The following SFI1 variants were observed in gnomAD, a reference collection of about 807,000 sequenced individuals.
SFI1 encodes protein SFI1 homolog.
SFI1 carries 195 observed loss-of-function variants against 207.5 expected under a neutral mutation model. The ratio of observed to expected loss-of-function variants is 0.94; its 90% CI spans 0.84 to 1.06. SFI1 has a LOEUF of 1.06. SFI1 is among the 50% of genes least tolerant of loss of function. SFI1 has a pLI of 0.00. For missense variants in SFI1, 1,634 were observed against 1,588.0 expected, an observed-to-expected ratio of 1.03 and a Z score of -0.49; for synonymous variants, 630 against 598.9, an observed-to-expected ratio of 1.05 and a Z score of -0.76.
chr22:31,576,113 C>T lies in SFI1; in HGVS notation c.1084+721C>T, dbSNP rs143216998. ...AATCTCGGCTCACTGCAATCTCCGC[C>T]TCCCAGGTTCAAGCGATTCTCCTGC... On this transcript the variant is annotated intron_variant, in intron 10 of 32. Coordinates refer to ENST00000400288, the MANE Select transcript of SFI1 (RefSeq NM_001007467.3). Among the ~76,000 whole-genome samples, 190 of 152,064 alleles carry T rather than the reference C, an allele frequency of 1.2e-3. 3 individuals carry two copies. The East Asian group carries it at 0.033, about 27-fold the overall frequency.
intron 15 of SFI1, among the ~76,000 whole-genome samples, chr22:31,596,390 A>G (rs1018488): frequency 0.056 from 8,529 of 152,236 alleles, 225 homozygotes; most frequent in Non-Finnish European, 0.065. Context: ...TGGCCACGGG[A>G]AATAGAGGCT....
chr22:31,546,628 C>CTT (rs1023474233), intron 4 of SFI1, among the ~76,000 whole-genome samples: 10 of 120,220 alleles, frequency 8.3e-5, no homozygotes, highest in African/African-American at 1.2e-4. Flanking sequence ...CCGATGTTTA[C>CTT]TTTTTTTTTT....
chr22:31,568,946 G>C (rs1450461485), intron 8 of SFI1, among the ~76,000 whole-genome samples: 1 of 152,106 alleles, frequency 6.6e-6, no homozygotes, highest in Non-Finnish European at 1.5e-5. Context: ...CAAAGAAAGT[G>C]GAACTCATCG....
intron 21 of SFI1, chr22:31,606,693 C>CTTTTTTTTTTT (rs10524692): frequency 3.5e-5 from 4 of 115,512 alleles, no homozygotes; most frequent in South Asian, 1.5e-4. Flanking sequence ...TTCTTTTTTT[C>CTTTTTTTTTTT]TTTTTTTTTT....
chr22:31,496,368 A>G (rs922785328), upstream of SFI1: 10 of 152,438 alleles, frequency 6.6e-5, no homozygotes, highest in African/African-American at 2.4e-4. Flanking sequence ...GCCCCTCGAA[A>G]CCGATTCTCA....
intron 8 of SFI1, among the ~76,000 whole-genome samples, chr22:31,567,997 C>T (rs998541922): frequency 1.3e-5 from 2 of 151,964 alleles, no homozygotes; most frequent in African/African-American, 4.8e-5. Context: ...GAAATTGTTA[C>T]ATTGAAAGTA....
intron 5 of SFI1, among the ~76,000 whole-genome samples, chr22:31,548,712 G>A (rs1456217746): frequency 6.6e-6 from 1 of 151,900 alleles, no homozygotes; most frequent in African/African-American, 2.4e-5. Flanking sequence ...GGGAGGCTGA[G>A]GCAGAAGAAT....
At chr22:31,547,310 G>GTTTGT (rs1202956072) in intron 5 of SFI1, among the ~76,000 whole-genome samples, 5 of 151,940 alleles carry the variant, frequency 3.3e-5, no homozygotes, top group Admixed American at 3.3e-4. Context: ...TTGTTTGTTT[G>GTTTGT]TTTGTTTTGT....
intron 4 of SFI1, among the ~76,000 whole-genome samples, chr22:31,542,386 G>A (rs2059634699): frequency 6.6e-6 from 1 of 151,868 alleles, no homozygotes. Flanking sequence ...CCAGCACTTT[G>A]GGAGGCCACG....
chr22:31,544,114 A>T (rs2059857006), intron 4 of SFI1, among the ~76,000 whole-genome samples: 1 of 152,126 alleles, frequency 6.6e-6, no homozygotes, highest in Non-Finnish European at 1.5e-5. Context: ...ACTTGAATGC[A>T]TGAGGTGGAG....
intron 1 of SFI1, among the ~76,000 whole-genome samples, chr22:31,497,537 C>G (rs1389336673): frequency 6.6e-6 from 1 of 152,124 alleles, no homozygotes; most frequent in Non-Finnish European, 1.5e-5. Context: ...TCTCCTCCCT[C>G]TCGGTCCTCC....
At chr22:31,548,076 TAGGCGTGGTGGC>T (rs1379536001) in intron 5 of SFI1, among the ~76,000 whole-genome samples, 2 of 151,214 alleles carry the variant, frequency 1.3e-5, no homozygotes, top group African/African-American at 2.4e-5. Flanking sequence ...CAAAATTGGC[TAGGCGTGGTGGC>T]AGGCGCCTGT....
intron 15 of SFI1, among the ~76,000 whole-genome samples, chr22:31,601,424 A>G (rs1201345022): frequency 6.6e-6 from 1 of 152,014 alleles, no homozygotes; most frequent in Non-Finnish European, 1.5e-5. Context: ...TGCCCGGCCA[A>G]CCTTTCTACT....
At chr22:31,510,857 A>G (rs1189478297) in intron 2 of SFI1, among the ~76,000 whole-genome samples, 1 of 152,132 alleles carries the variant, frequency 6.6e-6, no homozygotes, top group Non-Finnish European at 1.5e-5. Context: ...TTAATTTATG[A>G]AGGGTCAGTG....
intron 7 of SFI1, 65 bp from the exon 8 acceptor site, chr22:31,561,225 C>A: frequency 7.0e-7 from 1 of 1,431,152 alleles, no homozygotes; most frequent in South Asian, 1.2e-5. Context: ...CCCACACTAA[C>A]TGCTCCTCTC....
intron 8 of SFI1, among the ~76,000 whole-genome samples, chr22:31,571,912 T>C (rs562179207): frequency 6.6e-6 from 1 of 152,020 alleles, no homozygotes; most frequent in Admixed American, 6.6e-5. Flanking sequence ...TTTTTTTTTT[T>C]AGGATAGGAA....
intron 4 of SFI1, among the ~76,000 whole-genome samples, chr22:31,543,134 C>A (rs537532733): frequency 5.0e-4 from 76 of 151,688 alleles, no homozygotes; most frequent in Non-Finnish European, 8.5e-4. Context: ...CCACACCTGG[C>A]TAATTTTTTG....
intron 2 of SFI1, among the ~76,000 whole-genome samples, chr22:31,522,264 C>T (rs913898724): frequency 1.3e-5 from 2 of 151,766 alleles, no homozygotes; most frequent in Non-Finnish European, 2.9e-5. Flanking sequence ...GACAGTGTTT[C>T]ACCATGTTGG....
chr22:31,509,681 A>G (rs528012014), intron 2 of SFI1, among the ~76,000 whole-genome samples: 2 of 152,310 alleles, frequency 1.3e-5, no homozygotes, highest in Admixed American at 6.5e-5. Context: ...GCGTCCTTCA[A>G]TTCAATCAAG....
Sources: allele counts gnomAD v4.1 joint callset (sites outside exome capture counted in the v4.1 genomes callset), GRCh38; gene constraint gnomAD v4.1.1; transcripts MANE v1.5; gene names NCBI Gene and HGNC (gene_info 2026-07-23, HGNC 2026-07-21).